Variants in FRMD4A observed in about 807,000 individuals in gnomAD.
The protein encoded by FRMD4A is FERM domain-containing protein 4A.
A neutral mutation model predicts 129.1 loss-of-function variants in FRMD4A; 29 were observed. That is an observed-to-expected ratio of 0.22 (90% CI 0.17 to 0.31). The LOEUF is 0.31. FRMD4A is among the 10% of genes least tolerant of loss of function. The pLI is 1.00. For missense variants in FRMD4A, 1,272 were observed against 1,375.8 expected (o/e 0.92, Z 1.19); for synonymous variants, 634 against 571.6 (o/e 1.11, Z -1.56).
intron 5 of FRMD4A, among the ~76,000 whole-genome samples, chr10:13,785,822 C>G (rs2092843746): frequency 6.7e-6 from 1 of 149,228 alleles, no homozygotes; most frequent in Non-Finnish European, 1.5e-5. Context: ...CACCCTGTGT[C>G]CAAGTGTTCT....
chr10:14,018,478 A>G (rs1013915430), intron 2 of FRMD4A, among the ~76,000 whole-genome samples: 7 of 150,194 alleles, frequency 4.7e-5, no homozygotes, highest in Non-Finnish European at 7.4e-5. Context: ...AAAAAAAAAA[A>G]AATGACATTA....
rs574339469 is a variant in FRMD4A at position 13,712,615 on chromosome 10, C to T, written c.760-5502G>A. ...CCACCAAGTAGTGGCTTCCTTGAGA[C>T]TATGTCTGTCCCTGTTGTTGGGACT... On this transcript the variant is annotated intron_variant, in intron 12 of 24. Transcript: ENST00000357447. Among the ~76,000 whole-genome samples, 12 of 152,216 alleles carry T rather than the reference C, an allele frequency of 7.9e-5. No homozygotes were observed. In the East Asian group the frequency reaches 1.5e-3, roughly 20 times the overall value.
intron 2 of FRMD4A, among the ~76,000 whole-genome samples, chr10:14,178,067 G>A (rs1461910018): frequency 6.6e-6 from 1 of 152,168 alleles, no homozygotes; most frequent in Non-Finnish European, 1.5e-5. Context: ...CCTGCCCTAC[G>A]AGGGAAGTAC....
intron 2 of FRMD4A, among the ~76,000 whole-genome samples, chr10:14,260,828 C>T (rs369758135): frequency 1.3e-5 from 2 of 152,132 alleles, no homozygotes; most frequent in Non-Finnish European, 2.9e-5. Context: ...GGGTAAAAAC[C>T]TGGATGCTTC....
intron 2 of FRMD4A, among the ~76,000 whole-genome samples, chr10:14,240,312 T>TC (rs1374294331): frequency 6.6e-6 from 1 of 152,204 alleles, no homozygotes; most frequent in African/African-American, 2.4e-5. Context: ...TCTCAGACTT[T>TC]CCTCCAGTGC....
At chr10:14,044,301 C>A (rs1260508614) in intron 2 of FRMD4A, among the ~76,000 whole-genome samples, 1 of 152,200 alleles carries the variant, frequency 6.6e-6, no homozygotes, top group Non-Finnish European at 1.5e-5. Context: ...CTCTCTATTG[C>A]CATCTTTTCC....
At chr10:14,227,034 C>G (rs1843462534) in intron 2 of FRMD4A, among the ~76,000 whole-genome samples, 2 of 152,130 alleles carry the variant, frequency 1.3e-5, no homozygotes, top group South Asian at 4.2e-4. Context: ...TGCCCACACA[C>G]CCAGCCTCAT....
intron 2 of FRMD4A, among the ~76,000 whole-genome samples, chr10:13,912,268 C>A (rs1250007594): frequency 6.6e-6 from 1 of 152,172 alleles, no homozygotes; most frequent in Non-Finnish European, 1.5e-5. Flanking sequence ...CCCTTGTGCA[C>A]TGCTGGTGGG....
intron 17 of FRMD4A, 68 bp downstream of exon 17, chr10:13,670,338 G>C (rs141581939): frequency 6.5e-7 from 1 of 1,531,218 alleles, no homozygotes; most frequent in Non-Finnish European, 9.0e-7. Flanking sequence ...AGAAAACCTG[G>C]AAGGCCTGAC....
At chr10:14,152,825 G>A (rs1564343884) in intron 2 of FRMD4A, among the ~76,000 whole-genome samples, 1 of 151,890 alleles carries the variant, frequency 6.6e-6, no homozygotes, top group Non-Finnish European at 1.5e-5. Context: ...AAATGACAGA[G>A]CAACACCTTG....
At chr10:13,954,514 G>A (rs1045209169) in intron 2 of FRMD4A, among the ~76,000 whole-genome samples, 6 of 152,126 alleles carry the variant, frequency 3.9e-5, no homozygotes, top group African/African-American at 1.4e-4. Context: ...ATGACACATG[G>A]GAATTGTGGG....
intron 15 of FRMD4A, among the ~76,000 whole-genome samples, chr10:13,688,064 C>G (rs893354007): frequency 6.6e-6 from 1 of 152,176 alleles, no homozygotes; most frequent in Non-Finnish European, 1.5e-5. Flanking sequence ...CTGAAATCAT[C>G]TGCCATTGAG....
intron 12 of FRMD4A, among the ~76,000 whole-genome samples, chr10:13,709,102 A>C (rs1167288540): frequency 2.6e-5 from 4 of 152,192 alleles, no homozygotes; most frequent in African/African-American, 9.7e-5. Context: ...AGCTGGGATT[A>C]CAGGACTATG....
intron 2 of FRMD4A, among the ~76,000 whole-genome samples, chr10:14,150,780 T>G (rs903313811): frequency 6.6e-6 from 1 of 152,144 alleles, no homozygotes; most frequent in Non-Finnish European, 1.5e-5. Flanking sequence ...AAACCACACA[T>G]TTCCATTTTC....
intron 2 of FRMD4A, among the ~76,000 whole-genome samples, chr10:14,123,495 A>C (rs1838654072): frequency 6.6e-6 from 1 of 152,202 alleles, no homozygotes; most frequent in Non-Finnish European, 1.5e-5. Context: ...CCTGCATAGG[A>C]AAACTGGATT....
rs187743438 is a variant in FRMD4A, at chr10:13,803,464, T to G, written c.207-6876A>C. 1.6e-4 allele frequency among the ~76,000 whole-genome samples: 24 copies of G among 152,292 alleles called. No individual in the cohort carries two copies. In the East Asian group the frequency reaches 4.2e-3, roughly 27 times the overall value. On this transcript the variant is annotated intron_variant, in intron 4 of 24. Transcript: ENST00000357447. ...TTCCCATCTCAGACTCCTGAATAGCTGGGACTACAGGTGCACACCACCACT... is the reference window on the plus strand; with the variant it reads ...TTCCCATCTCAGACTCCTGAATAGCGGGGACTACAGGTGCACACCACCACT...
chr10:14,316,653 G>C (rs560108872), intron 2 of FRMD4A, among the ~76,000 whole-genome samples: 1 of 152,176 alleles, frequency 6.6e-6, no homozygotes, highest in Non-Finnish European at 1.5e-5. Context: ...ATTTTGAGGA[G>C]AGATGTTTCT....
chr10:13,842,037 C>G lies in FRMD4A; in HGVS notation c.111+16810G>C, dbSNP rs188243737. ...CCCACCCACTCAGCACGTAACACTG[C>G]AATACCTTGTTCCTCTCACAACAGG... On this transcript the variant is annotated intron_variant, in intron 3 of 24. Transcript: ENST00000357447. 2.0e-5 allele frequency among the ~76,000 whole-genome samples: 3 copies of G among 152,290 alleles called. No homozygotes were observed. The East Asian group carries it at 5.8e-4, about 29-fold the overall frequency.
chr10:13,982,226 G>A (rs963605281), intron 2 of FRMD4A, among the ~76,000 whole-genome samples: 1 of 152,062 alleles, frequency 6.6e-6, no homozygotes, highest in African/African-American at 2.4e-5. Context: ...GCTCATGCCT[G>A]TAATCCCAGC....
Sources: gnomAD v4.1 joint callset for allele counts (sites outside exome capture counted in the v4.1 genomes callset) on GRCh38, gnomAD v4.1.1 for gene constraint, MANE v1.5 for transcripts, NCBI Gene and HGNC (gene_info 2026-07-23, HGNC 2026-07-21) for gene names.